STAG1: variants seen among roughly 807,000 people sequenced by gnomAD.
STAG1 encodes cohesin subunit SA-1.
A neutral mutation model predicts 170.9 loss-of-function variants in STAG1; 26 were observed. The ratio of observed to expected loss-of-function variants is 0.15; its 90% CI spans 0.11 to 0.21. The LOEUF is 0.21. Ranked by LOEUF, STAG1 falls within the 10% of genes least tolerant of loss-of-function variation. The pLI is 1.00. For synonymous variants in STAG1, 514 were observed against 497.7 expected (o/e 1.03, Z -0.44); for missense variants, 964 against 1,509.5 (o/e 0.64, Z 5.99).
At chr3:136,548,787 C>A (rs1480510191) in intron 5 of STAG1, among the ~76,000 whole-genome samples, 1 of 152,104 alleles carries the variant, frequency 6.6e-6, no homozygotes, top group Non-Finnish European at 1.5e-5. Context: ...AAATTGTAAT[C>A]CCCAATGTTG....
At chr3:136,737,214 T>C (rs1576831847) in intron 1 of STAG1, 1 of 671,390 alleles carries the variant, frequency 1.5e-6, no homozygotes, top group Middle Eastern at 2.6e-4. Flanking sequence ...TCCCGCTCTC[T>C]CCTGAAGCCG....
At chr3:136,432,441 T>TA (rs550628828) in intron 16 of STAG1, among the ~76,000 whole-genome samples, 28 of 151,456 alleles carry the variant, frequency 1.8e-4, no homozygotes, top group African/African-American at 6.3e-4. Flanking sequence ...TGCATGGCTG[T>TA]AGTTTTTCTT....
At chr3:136,714,993 T>A (rs1466748154) in intron 1 of STAG1, among the ~76,000 whole-genome samples, 7 of 110,782 alleles carry the variant, frequency 6.3e-5, no homozygotes, top group East Asian at 2.1e-4. Context: ...TATATATATT[T>A]TATATATATA....
At chr3:136,614,465 C>G (rs1559910464) in intron 3 of STAG1, among the ~76,000 whole-genome samples, 1 of 151,978 alleles carries the variant, frequency 6.6e-6, no homozygotes, top group South Asian at 2.1e-4. Flanking sequence ...GAAAGCAAAC[C>G]TGAAATACCT....
chr3:136,633,759 G>A (rs1348055552), intron 1 of STAG1, among the ~76,000 whole-genome samples: 1 of 144,820 alleles, frequency 6.9e-6, no homozygotes, highest in Non-Finnish European at 1.5e-5. Context: ...GAGGCAAGAG[G>A]ATCACTGGTG....
chr3:136,408,055 G>C (rs1576436392), intron 21 of STAG1, among the ~76,000 whole-genome samples: 1 of 148,506 alleles, frequency 6.7e-6, no homozygotes, highest in Non-Finnish European at 1.5e-5. Flanking sequence ...CTAAATGTAT[G>C]TATATATAAA....
At chr3:136,580,936 A>T (rs1408395438) in intron 4 of STAG1, among the ~76,000 whole-genome samples, 1 of 152,132 alleles carries the variant, frequency 6.6e-6, no homozygotes, top group Non-Finnish European at 1.5e-5. Flanking sequence ...ATATGGTATG[A>T]GGTAAAAATC....
intron 3 of STAG1, chr3:136,608,927 C>G (rs1364401313): frequency 6.6e-6 from 1 of 151,846 alleles, no homozygotes; most frequent in Non-Finnish European, 1.5e-5. Context: ...ATAACAAAGT[C>G]ACTCTTTGAG....
intron 1 of STAG1, among the ~76,000 whole-genome samples, chr3:136,688,846 T>C (rs1364892203): frequency 2.0e-5 from 3 of 152,192 alleles, no homozygotes; most frequent in Admixed American, 2.0e-4. Context: ...CCCCAAAGGA[T>C]GGACAGCTTT....
intron 25 of STAG1, among the ~76,000 whole-genome samples, chr3:136,364,850 G>C (rs1937015613): frequency 6.6e-6 from 1 of 152,134 alleles, no homozygotes; most frequent in African/African-American, 2.4e-5. Flanking sequence ...CAAAAAGATA[G>C]GTATGTTTCC....
intron 1 of STAG1, among the ~76,000 whole-genome samples, chr3:136,728,355 G>A (rs543126920): frequency 1.3e-5 from 2 of 152,292 alleles, no homozygotes; most frequent in South Asian, 4.1e-4. Flanking sequence ...AAAGCAGCAT[G>A]TAAATGCATT....
At chr3:136,455,345 A>T (rs905076487) in intron 13 of STAG1, among the ~76,000 whole-genome samples, 3 of 152,200 alleles carry the variant, frequency 2.0e-5, no homozygotes, top group Admixed American at 6.5e-5. Context: ...TTAGTAAGAG[A>T]AACAGTCATT....
rs59155124 is a variant in STAG1 at position 136,541,538 on chromosome 3, TCACACACACACACA to T, written c.471+567_471+580del. Among the ~76,000 whole-genome samples, 338 of 123,214 alleles carry T rather than the reference TCACACACACACACA, an allele frequency of 2.7e-3. 3 individuals carry two copies. Among genetic ancestry groups the T allele is most frequent in the African/African-American group, 8.1e-3 (265 of 32,802 alleles). 80.8% of individuals were successfully genotyped at this position (123,214 alleles called of 152,430 possible). ...AGTATCCCAAATAGAAGCTTAACAT[TCACACACACACACA>T]CACACACACACACACACACACACAC... On this transcript the variant is annotated intron_variant, in intron 6 of 33. Transcript: ENST00000383202.
intron 27 of STAG1, among the ~76,000 whole-genome samples, chr3:136,358,443 T>C (rs572258914): frequency 6.6e-5 from 10 of 152,244 alleles, no homozygotes; most frequent in South Asian, 2.1e-4. Flanking sequence ...TATTAATACA[T>C]TGCCAGAATA....
At chr3:136,367,544 G>C (rs556726600) in intron 24 of STAG1, among the ~76,000 whole-genome samples, 2 of 152,236 alleles carry the variant, frequency 1.3e-5, no homozygotes, top group Admixed American at 6.5e-5. Flanking sequence ...ACAATACTGT[G>C]AAATTATCTG....
chr3:136,502,530 A>T, intron 8 of STAG1, 98 bp downstream of exon 8: 1 of 1,273,786 alleles, frequency 7.9e-7, no homozygotes, highest in Non-Finnish European at 1.1e-6. Context: ...AACTAAATAT[A>T]CACATAAACC....
At chr3:136,702,311 T>C (rs929426152) in intron 1 of STAG1, among the ~76,000 whole-genome samples, 6 of 152,184 alleles carry the variant, frequency 3.9e-5, no homozygotes, top group African/African-American at 1.4e-4. Context: ...CCAATAAATA[T>C]TGGTCAATAT....
intron 7 of STAG1, among the ~76,000 whole-genome samples, chr3:136,516,842 G>A (rs1047229655): frequency 6.6e-6 from 1 of 152,092 alleles, no homozygotes; most frequent in African/African-American, 2.4e-5. Context: ...TTATGTTAAG[G>A]ACTTGTCCAA....
At chr3:136,470,091 T>C (rs1261776729) in intron 12 of STAG1, among the ~76,000 whole-genome samples, 3 of 152,152 alleles carry the variant, frequency 2.0e-5, no homozygotes, top group Non-Finnish European at 2.9e-5. Context: ...ACTTCATGTC[T>C]AAAACACCAA....
Sources: gnomAD v4.1 joint callset for allele counts (sites outside exome capture counted in the v4.1 genomes callset) on GRCh38, gnomAD v4.1.1 for gene constraint, MANE v1.5 for transcripts, NCBI Gene and HGNC (gene_info 2026-07-23, HGNC 2026-07-21) for gene names.